The following ZNRF1 variants were observed in gnomAD, a reference collection of about 807,000 sequenced individuals.
The protein encoded by ZNRF1 is E3 ubiquitin-protein ligase ZNRF1.
Under a neutral mutation model 18.4 loss-of-function variants are expected in ZNRF1, and 3 were observed. That is an observed-to-expected ratio of 0.16 (90% confidence interval 0.07 to 0.42). The LOEUF is 0.42. Among genes scored for constraint, ZNRF1 ranks in the 10% least tolerant of loss-of-function variants. The pLI is 0.99. For synonymous variants in ZNRF1, 157 were observed against 144.2 expected (o/e 1.09, Z -0.64); for missense variants, 310 against 329.8 (o/e 0.94, Z 0.47).
At chr16:75,037,930 A>G (rs991846103) in intron 1 of ZNRF1, among the ~76,000 whole-genome samples, 4 of 152,294 alleles carry the variant, frequency 2.6e-5, no homozygotes, top group Admixed American at 6.5e-5. Context: ...TATGATGAGG[A>G]AGTGGATTGG....
At position 75,025,114 on chromosome 16, in the gene ZNRF1, C is replaced by T. The variant is rs181144590; in HGVS notation, c.424+25019C>T. 6.0e-4 allele frequency among the ~76,000 whole-genome samples: 91 copies of T among 152,252 alleles called. 4 individuals carry two copies. The East Asian group carries it at 0.017, about 29-fold the overall frequency. On this transcript the variant is annotated intron_variant, in intron 1 of 4. Coordinates refer to ENST00000335325, the MANE Select transcript of ZNRF1 (RefSeq NM_032268.5). ...ACAGAGTTGCACTCTGTTGCCCAGG[C>T]TGGAGTGCAGTGGCGCCATCTCGGC...
chr16:75,069,773 C>A (rs150067542), intron 1 of ZNRF1, among the ~76,000 whole-genome samples: 3 of 152,202 alleles, frequency 2.0e-5, no homozygotes, highest in Non-Finnish European at 4.4e-5. Flanking sequence ...GATCTTCCCC[C>A]TGGGCCTCGG....
rs367946082 is a variant in ZNRF1, at chr16:75,002,187, G to A, written c.424+2092G>A. 3.9e-5 allele frequency: 6 copies of A among 152,298 alleles called. No individual in the cohort carries two copies. In the East Asian group the frequency reaches 1.2e-3, roughly 29 times the overall value. The allele number at this position is 152,298 out of a possible 1,614,324, so 9.4% of individuals were successfully genotyped here. ...TCTGGTTGAGAACCACTGCTTTAGG[G>A]ATTTATTCTTTTATTCACATAAAGT... On this transcript the variant is annotated intron_variant, in intron 1 of 4. Transcript: ENST00000335325.
chr16:75,070,483 T>A (rs1351670657), intron 1 of ZNRF1, among the ~76,000 whole-genome samples: 2 of 152,210 alleles, frequency 1.3e-5, no homozygotes, highest in Admixed American at 1.3e-4. Context: ...TGCTTTCCTC[T>A]TTAGCATCCA....
At chr16:75,030,004 A>G (rs112825131) in intron 1 of ZNRF1, among the ~76,000 whole-genome samples, 11 of 150,840 alleles carry the variant, frequency 7.3e-5, no homozygotes, top group African/African-American at 2.4e-4. Context: ...CAGAGGTTGC[A>G]GTGACCTGAG....
rs892029642 is a variant in ZNRF1, at chr16:75,063,967, C to A, written c.425-29605C>A. On this transcript the variant is annotated intron_variant, in intron 1 of 4. Coordinates refer to ENST00000335325, the MANE Select transcript of ZNRF1 (RefSeq NM_032268.5). ...CTGGCTTAGGATTTTTGTTAAAATA[C>A]GGGGCTCCATTCTTGATATTTCTTT... Among the ~76,000 whole-genome samples the A allele has an allele frequency of 4.6e-5, 7 of 152,258 alleles. No homozygotes were observed. In the South Asian group the frequency reaches 1.4e-3, roughly 32 times the overall value.
At position 75,021,951 on chromosome 16, in the gene ZNRF1, T is replaced by C. The variant is rs145441143; in HGVS notation, c.424+21856T>C. Among the ~76,000 whole-genome samples, 40 of 152,380 alleles carry C rather than the reference T, an allele frequency of 2.6e-4. No individual in the cohort carries two copies. In the East Asian group the frequency reaches 7.7e-3, roughly 29 times the overall value. On this transcript the variant is annotated intron_variant, in intron 1 of 4. Transcript: ENST00000335325. ...CCTTTTGAAAATCCTAGAAATTTTA[T>C]ATTGGGCCTTCTGTCTGCCTTCCTG...
intron 1 of ZNRF1, among the ~76,000 whole-genome samples, chr16:75,016,184 A>C (rs756843508): frequency 6.6e-6 from 1 of 151,766 alleles, no homozygotes; most frequent in Non-Finnish European, 1.5e-5. Flanking sequence ...CGGTCTCCCA[A>C]AGTGCTGGGA....
chr16:75,084,229 A>G (rs1349409993), intron 1 of ZNRF1, among the ~76,000 whole-genome samples: 2 of 152,244 alleles, frequency 1.3e-5, no homozygotes, highest in Non-Finnish European at 2.9e-5. Context: ...GAGCAGGCAC[A>G]TGCAGTCATT....
intron 4 of ZNRF1, chr16:75,106,939 C>CT (rs2145433586): frequency 4.4e-6 from 1 of 225,476 alleles, no homozygotes; most frequent in East Asian, 1.0e-4. Flanking sequence ...TCGCTCACCT[C>CT]TGAGTCTCCG....
Position 75,005,591 on chromosome 16 carries a change from G to A in ZNRF1, c.424+5496G>A, listed in dbSNP as rs374918400. Among the ~76,000 whole-genome samples the A allele has an allele frequency of 9.2e-5, 14 of 152,280 alleles. 2 individuals carry two copies. The highest frequency in any genetic ancestry group is 7.7e-4 in the East Asian group (4 of 5,192). On this transcript the variant is annotated intron_variant, in intron 1 of 4. Transcript: ENST00000335325. ...GTTACTCCCTATCCAAAGGGGATTCGTTCCAATACCCACAGTGGATGCCTG... is the reference window on the plus strand; with the variant it reads ...GTTACTCCCTATCCAAAGGGGATTCATTCCAATACCCACAGTGGATGCCTG...
intron 1 of ZNRF1, among the ~76,000 whole-genome samples, chr16:75,058,215 C>T: frequency 6.6e-6 from 1 of 151,348 alleles, no homozygotes; most frequent in African/African-American, 2.4e-5. Flanking sequence ...CCATGCAGTC[C>T]TCCCACCTCA....
chr16:75,008,532 G>A (rs2034953159), intron 1 of ZNRF1, among the ~76,000 whole-genome samples: 1 of 152,196 alleles, frequency 6.6e-6, no homozygotes, highest in Non-Finnish European at 1.5e-5. Flanking sequence ...AGGCTTTAAA[G>A]AGGTTGGAAG....
intron 1 of ZNRF1, among the ~76,000 whole-genome samples, chr16:75,053,576 C>A (rs898100890): frequency 7.7e-6 from 1 of 129,440 alleles, no homozygotes; most frequent in Admixed American, 9.4e-5. Flanking sequence ...TGTGACAGAG[C>A]GAGACTCCAT....
At chr16:75,100,898 C>T (rs999695894) in intron 2 of ZNRF1, among the ~76,000 whole-genome samples, 40 of 152,168 alleles carry the variant, frequency 2.6e-4, no homozygotes, top group African/African-American at 9.2e-4. Flanking sequence ...AGGTTTTTCC[C>T]TCTGTTTTAT....
chr16:75,082,232 T>TC lies in ZNRF1; in HGVS notation c.425-11337dup, dbSNP rs375568571. Among the ~76,000 whole-genome samples, 149 of 152,216 alleles carry TC rather than the reference T, an allele frequency of 9.8e-4. 2 individuals are homozygous for TC. Among genetic ancestry groups the TC allele is most frequent in the African/African-American group, 3.5e-3 (147 of 41,572 alleles). On this transcript the variant is annotated intron_variant, in intron 1 of 4. Transcript: ENST00000335325. ...GGACTCAGGTCATTGGACCATCATG[T>TC]CCCGGTCCCTGCTTCCCCGTCATTT... is the stretch of plus-strand genomic sequence containing the variant.
intron 1 of ZNRF1, among the ~76,000 whole-genome samples, chr16:75,058,461 G>C (rs1293496556): frequency 6.6e-6 from 1 of 152,168 alleles, no homozygotes; most frequent in Non-Finnish European, 1.5e-5. Flanking sequence ...GCCCAACACT[G>C]TTGCAGTCAG....
rs1189258928 is a variant in ZNRF1 at position 75,104,967 on chromosome 16, C to T, written c.626+78C>T. 1.6e-5 allele frequency: 20 copies of T among 1,252,522 alleles called. No individual in the cohort carries two copies. The East Asian group carries it at 2.8e-4, about 17-fold the overall frequency. 77.6% of individuals were successfully genotyped at this position (1,252,522 alleles called of 1,614,324 possible). A position where few individuals can be genotyped will look rare whatever the true frequency, so the allele number is the denominator to read the frequency against. On this transcript the variant is annotated intron_variant, in intron 3 of 4. Transcript: ENST00000335325. The stretch of plus-strand genomic sequence containing the variant: ...ACCCCCATCTCCAGCCATTCTGTCT[C>T]CTTTGGTTATGGGATGACCTCTCCC...
chr16:75,064,044 A>G (rs1409771236), intron 1 of ZNRF1, among the ~76,000 whole-genome samples: 4 of 152,158 alleles, frequency 2.6e-5, no homozygotes, highest in Non-Finnish European at 5.9e-5. Flanking sequence ...ACGCCTGTAA[A>G]TCCCAGCACT....
Sources: allele counts gnomAD v4.1 joint callset (sites outside exome capture counted in the v4.1 genomes callset), GRCh38; gene constraint gnomAD v4.1.1; transcripts MANE v1.5; gene names NCBI Gene and HGNC (gene_info 2026-07-23, HGNC 2026-07-21).